Variants in CFDP1 observed in about 807,000 individuals in gnomAD.
CFDP1 encodes the protein heterochromatin-stabilizing protein CFDP1.
In CFDP1, 31 loss-of-function variants were observed where a neutral mutation model predicts 40.1. The observed-to-expected ratio is 0.77, with a 90% CI of 0.58 to 1.04. The LOEUF (loss-of-function observed/expected upper bound fraction) is 1.04. CFDP1 is among the 50% of genes least tolerant of loss of function. CFDP1 has a pLI of 0.00. For missense variants in CFDP1, 423 were observed against 343.4 expected (o/e 1.23, Z -1.83); for synonymous variants, 167 against 120.0 (o/e 1.39, Z -2.56).
At chr16:75,426,289 G>A (rs189342484) in intron 1 of CFDP1, among the ~76,000 whole-genome samples, 1 of 152,208 alleles carries the variant, frequency 6.6e-6, no homozygotes, top group Admixed American at 6.6e-5. Context: ...GGCGGAGGTT[G>A]CAGTGAGCCA....
intron 5 of CFDP1, among the ~76,000 whole-genome samples, chr16:75,380,578 CA>C (rs763356515): frequency 5.9e-4 from 89 of 152,066 alleles, no homozygotes; most frequent in Middle Eastern, 6.8e-3. Context: ...AATCACATAA[CA>C]GCCCAAGGAA....
At chr16:75,303,400 A>AATAAATGAATGTATGTATGT (rs745774792) in intron 6 of CFDP1, among the ~76,000 whole-genome samples, 20 of 146,168 alleles carry the variant, frequency 1.4e-4, no homozygotes, top group Admixed American at 5.5e-4. Flanking sequence ...TAAATAAATA[A>AATAAATGAATGTATGTATGT]ATGTATGTAT....
chr16:75,367,040 T>C (rs1198948049), intron 5 of CFDP1, among the ~76,000 whole-genome samples: 2 of 151,596 alleles, frequency 1.3e-5, no homozygotes, highest in African/African-American at 2.4e-5. Flanking sequence ...GGCAGGCACC[T>C]GTAATCCCAG....
intron 1 of CFDP1, among the ~76,000 whole-genome samples, chr16:75,422,109 T>C (rs1034715400): frequency 6.6e-6 from 1 of 152,208 alleles, no homozygotes; most frequent in Non-Finnish European, 1.5e-5. Flanking sequence ...CTCTCTCTTT[T>C]TTTTGAGACG....
At chr16:75,396,952 C>T (rs1032932338) in intron 4 of CFDP1, among the ~76,000 whole-genome samples, 52 of 151,954 alleles carry the variant, frequency 3.4e-4, no homozygotes, top group Admixed American at 7.2e-4. Flanking sequence ...CTCGCTCTGT[C>T]GCCTAGGCTG....
chr16:75,369,611 T>C (rs924571286), intron 5 of CFDP1, among the ~76,000 whole-genome samples: 1 of 152,238 alleles, frequency 6.6e-6, no homozygotes. Flanking sequence ...AAAAGCAATT[T>C]GCAAATCTGT....
At chr16:75,362,329 T>A (rs2078685115) in intron 5 of CFDP1, among the ~76,000 whole-genome samples, 1 of 152,178 alleles carries the variant, frequency 6.6e-6, no homozygotes, top group South Asian at 2.1e-4. Flanking sequence ...AGGGCTGATA[T>A]CAACACTGTG....
intron 5 of CFDP1, chr16:75,322,004 T>G (rs1227821994): frequency 6.6e-6 from 1 of 152,222 alleles, no homozygotes; most frequent in African/African-American, 2.4e-5. Flanking sequence ...TTCTGTAATT[T>G]TAGTAGAGAC....
chr16:75,402,382 T>A (rs1212034148), intron 4 of CFDP1, among the ~76,000 whole-genome samples: 1 of 152,232 alleles, frequency 6.6e-6, no homozygotes, highest in Non-Finnish European at 1.5e-5. Context: ...GTGAATCATT[T>A]AGGAAAGTCT....
intron 5 of CFDP1, among the ~76,000 whole-genome samples, chr16:75,379,039 G>A (rs1232439632): frequency 1.3e-5 from 2 of 151,846 alleles, no homozygotes; most frequent in African/African-American, 4.8e-5. Flanking sequence ...AAAAAATAAT[G>A]AACGGAATAA....
In CFDP1 at chr16:75,293,730, C is replaced by G. The variant is rs952685021; in HGVS notation, c.*222G>C. 2.1e-5 allele frequency: 11 copies of G among 522,414 alleles called. No homozygotes were observed. In the Admixed American group the frequency reaches 3.0e-4, roughly 14 times the overall value. The allele number at this position is 522,414 out of a possible 1,614,324, so 32.4% of individuals were successfully genotyped here. ...GGTCGTCATCTTCATTATCCTCTCACAGGACCAACTTTTATTTTATTTATT... is the reference window on the plus strand; with the variant it reads ...GGTCGTCATCTTCATTATCCTCTCAGAGGACCAACTTTTATTTTATTTATT... On this transcript the variant is annotated 3_prime_UTR_variant, in exon 7 of 7. Transcript: ENST00000283882.
chr16:75,428,503 G>A (rs2079367943), intron 1 of CFDP1, among the ~76,000 whole-genome samples: 1 of 151,706 alleles, frequency 6.6e-6, no homozygotes, highest in East Asian at 2.0e-4. Context: ...CTGTATCCCA[G>A]CTACTCGAGA....
chr16:75,362,452 C>A (rs888098250), intron 5 of CFDP1, among the ~76,000 whole-genome samples: 3 of 152,330 alleles, frequency 2.0e-5, no homozygotes, highest in Admixed American at 2.0e-4. Flanking sequence ...TGGACAGTCT[C>A]AACTTTTAAT....
intron 6 of CFDP1, chr16:75,301,723 G>A (rs1194830651): frequency 2.0e-5 from 3 of 151,932 alleles, no homozygotes; most frequent in Non-Finnish European, 4.4e-5. Context: ...CACCTGAGAA[G>A]TAAAATTTAA....
intron 1 of CFDP1, among the ~76,000 whole-genome samples, chr16:75,420,657 G>C (rs2079267989): frequency 6.6e-6 from 1 of 152,114 alleles, no homozygotes; most frequent in Non-Finnish European, 1.5e-5. Flanking sequence ...CTATATATAA[G>C]ATAAAACATT....
intron 4 of CFDP1, among the ~76,000 whole-genome samples, chr16:75,409,020 G>A (rs1278762777): frequency 6.6e-6 from 1 of 151,602 alleles, no homozygotes; most frequent in Admixed American, 6.6e-5. Flanking sequence ...ACCACACCTG[G>A]CTAATTTTTT....
intron 5 of CFDP1, among the ~76,000 whole-genome samples, chr16:75,357,617 T>C (rs1378687605): frequency 1.3e-5 from 2 of 152,178 alleles, no homozygotes; most frequent in Admixed American, 6.5e-5. Context: ...ACTTTTCTCC[T>C]GGAGCTTCCT....
chr16:75,391,716 G>C (rs978495779), intron 5 of CFDP1, among the ~76,000 whole-genome samples: 1 of 152,182 alleles, frequency 6.6e-6, no homozygotes, highest in African/African-American at 2.4e-5. Flanking sequence ...GCTCACACCT[G>C]TAATGCCAGC....
chr16:75,297,147 T>C (rs1458377290), intron 6 of CFDP1, among the ~76,000 whole-genome samples: 1 of 123,370 alleles, frequency 8.1e-6, no homozygotes, highest in Non-Finnish European at 1.7e-5. Flanking sequence ...TCCCATTTCT[T>C]GTGTGTGTGT....
Sources: allele counts gnomAD v4.1 joint callset (sites outside exome capture counted in the v4.1 genomes callset), GRCh38; gene constraint gnomAD v4.1.1; transcripts MANE v1.5; gene names NCBI Gene and HGNC (gene_info 2026-07-23, HGNC 2026-07-21).